The following IL1RAPL2 variants were observed in gnomAD, a reference collection of about 807,000 sequenced individuals.
The protein encoded by IL1RAPL2 is interleukin 1 receptor accessory protein like 2.
In IL1RAPL2, 3 loss-of-function variants were observed where a neutral mutation model predicts 44.1. The observed-to-expected ratio is 0.07, with a 90% CI of 0.03 to 0.18. IL1RAPL2 has a LOEUF of 0.18. IL1RAPL2 is among the 10% of genes least tolerant of loss of function. The pLI, the probability that IL1RAPL2 is intolerant of heterozygous loss-of-function variation, is 1.00. For missense variants in IL1RAPL2, 391 were observed against 496.4 expected (o/e 0.79, Z 2.02); for synonymous variants, 181 against 178.8 (o/e 1.01, Z -0.10).
intron 2 of IL1RAPL2, among the ~76,000 whole-genome samples, chrX:104,812,521 TTC>T (rs1921024052): frequency 9.0e-6 from 1 of 110,762 alleles, no homozygotes; most frequent in Non-Finnish European, 1.9e-5. Flanking sequence ...GACAAGATTG[TTC>T]TGTTTTTTTT....
At chrX:105,733,120 G>T (rs918293350) in intron 7 of IL1RAPL2, among the ~76,000 whole-genome samples, 2 of 111,032 alleles carry the variant, frequency 1.8e-5, no homozygotes, top group Admixed American at 1.9e-4. Context: ...ACTTTTGAAG[G>T]ATAATTTAAC....
intron 5 of IL1RAPL2, among the ~76,000 whole-genome samples, chrX:105,321,135 G>A (rs1178876682): frequency 9.0e-6 from 1 of 111,436 alleles, no homozygotes; most frequent in African/African-American, 3.3e-5. Flanking sequence ...ACTGAGATGG[G>A]AGCAAACTGA....
chrX:104,670,065 G>T (rs1930564329), intron 2 of IL1RAPL2, among the ~76,000 whole-genome samples: 1 of 111,381 alleles, frequency 9.0e-6, no homozygotes, highest in Non-Finnish European at 1.9e-5. Flanking sequence ...TATATGAAAG[G>T]GAGTCTATTA....
At chrX:104,588,140 G>A (rs1928598562) in intron 1 of IL1RAPL2, among the ~76,000 whole-genome samples, 1 of 111,639 alleles carries the variant, frequency 9.0e-6, no homozygotes, top group Non-Finnish European at 1.9e-5. Flanking sequence ...TTTTCATTCA[G>A]TAATTTTCTA....
At chrX:105,046,802 T>C (rs1187407626) in intron 2 of IL1RAPL2, among the ~76,000 whole-genome samples, 1 of 96,725 alleles carries the variant, frequency 1.0e-5, no homozygotes, top group Non-Finnish European at 2.0e-5. Flanking sequence ...TCGCCTACTT[T>C]ACCTACATAA....
chrX:105,235,004 G>A (rs1159231460), intron 4 of IL1RAPL2, among the ~76,000 whole-genome samples: 1 of 110,491 alleles, frequency 9.1e-6, no homozygotes, highest in Non-Finnish European at 1.9e-5. Flanking sequence ...AGGAACATAT[G>A]AGGGTGGCAG....
intron 2 of IL1RAPL2, among the ~76,000 whole-genome samples, chrX:105,047,331 C>T (rs746637852): frequency 9.0e-6 from 1 of 111,626 alleles, no homozygotes; most frequent in East Asian, 2.8e-4. Context: ...TAATTTTGAA[C>T]CTCTATGTAT....
At chrX:105,651,058 CAGTT>C (rs970635245) in intron 6 of IL1RAPL2, among the ~76,000 whole-genome samples, 4 of 111,801 alleles carry the variant, frequency 3.6e-5, no homozygotes, top group South Asian at 3.7e-4. Flanking sequence ...TTTTTTAAAA[CAGTT>C]AGAGCTTTAA....
intron 2 of IL1RAPL2, among the ~76,000 whole-genome samples, chrX:104,676,808 C>CT (rs1056159239): frequency 5.4e-5 from 6 of 111,295 alleles, no homozygotes. Context: ...TCTTTTTATT[C>CT]TTTTTTCTCT....
At chrX:105,275,453 T>TTAGCC (rs970507119) in intron 5 of IL1RAPL2, among the ~76,000 whole-genome samples, 12 of 112,123 alleles carry the variant, frequency 1.1e-4, no homozygotes, top group Non-Finnish European at 2.3e-4. Context: ...TTAGTATCAC[T>TTAGCC]TATTTTTTCC....
intron 2 of IL1RAPL2, among the ~76,000 whole-genome samples, chrX:104,865,839 C>T (rs1297000353): frequency 4.4e-5 from 5 of 112,790 alleles, no homozygotes; most frequent in Non-Finnish European, 9.4e-5. Flanking sequence ...GTCAGCTTCC[C>T]TACTCTTGAG....
intron 10 of IL1RAPL2, among the ~76,000 whole-genome samples, chrX:105,756,061 G>A (rs748888933): frequency 4.5e-5 from 5 of 111,563 alleles, no homozygotes; most frequent in Admixed American, 1.9e-4. Context: ...CCCTGCTCTC[G>A]AAGAGCTTAA....
intron 6 of IL1RAPL2, among the ~76,000 whole-genome samples, chrX:105,528,592 C>A (rs1325642243): frequency 9.0e-6 from 1 of 111,529 alleles, no homozygotes; most frequent in African/African-American, 3.3e-5. Flanking sequence ...CCTAGATTAA[C>A]CAGTTGTTAA....
chrX:105,163,078 C>T (rs889847462), intron 2 of IL1RAPL2, among the ~76,000 whole-genome samples: 14 of 111,880 alleles, frequency 1.3e-4, no homozygotes, highest in African/African-American at 4.2e-4. Context: ...GGGGCTAAAT[C>T]TGGCTCACCA....
intron 6 of IL1RAPL2, among the ~76,000 whole-genome samples, chrX:105,492,074 A>G (rs1377202156): frequency 9.0e-6 from 1 of 111,518 alleles, no homozygotes; most frequent in Non-Finnish European, 1.9e-5. Context: ...AAAAGCCAAA[A>G]CCATTATTTC....
Position 105,437,216 on chromosome X carries a change from G to A in IL1RAPL2, c.698-47097G>A, listed in dbSNP as rs191453335. 5.5e-3 allele frequency among the ~76,000 whole-genome samples: 609 copies of A among 109,762 alleles called. 5 individuals are homozygous for A. Among genetic ancestry groups the A allele is most frequent in the African/African-American group, 0.019 (566 of 30,310 alleles). ...CATTTACATGTCAGGTTTCCTTAAA[G>A]TGAGGTATACCTGCACAAGAATGGG... On this transcript the variant is annotated intron_variant, in intron 5 of 10. Transcript: ENST00000372582.
At chrX:105,618,958 C>A (rs1235139697) in intron 6 of IL1RAPL2, among the ~76,000 whole-genome samples, 9 of 111,151 alleles carry the variant, frequency 8.1e-5, no homozygotes, top group African/African-American at 2.9e-4. Context: ...TTCACCTGCA[C>A]AAGAGCTGCC....
intron 6 of IL1RAPL2, among the ~76,000 whole-genome samples, chrX:105,536,131 C>CA (rs1480765744): frequency 3.6e-5 from 4 of 110,166 alleles, no homozygotes; most frequent in Non-Finnish European, 7.6e-5. Context: ...ATTATAAAAA[C>CA]ATGTTCATTA....
At chrX:105,525,311 AT>A (rs2036588495) in intron 6 of IL1RAPL2, among the ~76,000 whole-genome samples, 1 of 110,889 alleles carries the variant, frequency 9.0e-6, no homozygotes. Context: ...TGTTTTTCAG[AT>A]TTTTTTCTGA....
Sources: gnomAD v4.1 joint callset for allele counts (sites outside exome capture counted in the v4.1 genomes callset) on GRCh38, gnomAD v4.1.1 for gene constraint, MANE v1.5 for transcripts, NCBI Gene and HGNC (gene_info 2026-07-23, HGNC 2026-07-21) for gene names.